Variants in CSMD3 observed in about 807,000 individuals in gnomAD.
The protein encoded by CSMD3 is CUB and sushi domain-containing protein 3.
Under a neutral mutation model 435.2 loss-of-function variants are expected in CSMD3, and 177 were observed. The observed-to-expected ratio is 0.41, with a 90% CI of 0.36 to 0.46. The LOEUF is 0.46. CSMD3 is among the 20% of genes least tolerant of loss of function. CSMD3 has a pLI of 0.34. For synonymous variants in CSMD3, 1,656 were observed against 1,520.5 expected, an observed-to-expected ratio of 1.09 and a Z score of -2.07; for missense variants, 4,265 against 4,504.6, an observed-to-expected ratio of 0.95 and a Z score of 1.52.
At position 113,033,577 on chromosome 8, in the gene CSMD3, T is replaced by C. The variant is rs188937474; in HGVS notation, c.918-14398A>G. Among the ~76,000 whole-genome samples the C allele has an allele frequency of 1.5e-3, 229 of 151,330 alleles. 5 individuals carry two copies. The East Asian group carries it at 0.04, about 27-fold the overall frequency. ...AGTAACTTTTGATTTTGATTTTTTTTTTTTTTTTTGCTTTTGCTTTTGCTT... is the reference window on the plus strand; with the variant it reads ...AGTAACTTTTGATTTTGATTTTTTTCTTTTTTTTTGCTTTTGCTTTTGCTT... On this transcript the variant is annotated intron_variant, in intron 5 of 70. Transcript: ENST00000297405.
chr8:112,641,555 A>G (rs570828063), intron 20 of CSMD3, among the ~76,000 whole-genome samples: 44 of 152,170 alleles, frequency 2.9e-4, no homozygotes, highest in Non-Finnish European at 5.7e-4. Flanking sequence ...TGTAATGACA[A>G]TCCAGGTCTG....
intron 32 of CSMD3, among the ~76,000 whole-genome samples, chr8:112,464,991 T>C (rs956019627): frequency 4.6e-5 from 7 of 152,216 alleles, no homozygotes; most frequent in Admixed American, 3.3e-4. Context: ...ATAAAGTCTT[T>C]GGCACTTACA....
chr8:112,363,262 G>A (rs1827429215), intron 38 of CSMD3, among the ~76,000 whole-genome samples: 1 of 151,936 alleles, frequency 6.6e-6, no homozygotes, highest in African/African-American at 2.4e-5. Flanking sequence ...AGGAATATTG[G>A]AAGTGCCTAA....
intron 1 of CSMD3, among the ~76,000 whole-genome samples, chr8:113,343,094 G>A (rs755735878): frequency 6.6e-5 from 10 of 151,968 alleles, no homozygotes; most frequent in Non-Finnish European, 1.0e-4. Context: ...GACTGAGGGA[G>A]CAGGAGGAAG....
intron 1 of CSMD3, among the ~76,000 whole-genome samples, chr8:113,413,477 A>C (rs575756745): frequency 6.6e-6 from 1 of 152,272 alleles, no homozygotes; most frequent in African/African-American, 2.4e-5. Context: ...CTGTCAACTA[A>C]GCTTCACTGT....
chr8:113,168,401 G>A (rs1345695373), intron 4 of CSMD3, among the ~76,000 whole-genome samples: 1 of 151,082 alleles, frequency 6.6e-6, no homozygotes, highest in Non-Finnish European at 1.5e-5. Context: ...CACGCCTGTT[G>A]TCCCAGCTAC....
intron 6 of CSMD3, among the ~76,000 whole-genome samples, chr8:112,991,225 A>T (rs1250940625): frequency 6.6e-6 from 1 of 150,580 alleles, no homozygotes; most frequent in Non-Finnish European, 1.5e-5. Context: ...TGCTGAATTA[A>T]ATATATATAT....
intron 57 of CSMD3, among the ~76,000 whole-genome samples, chr8:112,288,296 C>T (rs907308857): frequency 1.3e-5 from 2 of 151,612 alleles, no homozygotes; most frequent in Non-Finnish European, 2.9e-5. Flanking sequence ...TCTGTGTGTT[C>T]GCATGTATAA....
chr8:113,010,949 T>C (rs1450647724), intron 6 of CSMD3, among the ~76,000 whole-genome samples: 2 of 151,642 alleles, frequency 1.3e-5, no homozygotes, highest in Admixed American at 1.3e-4. Flanking sequence ...TTAAGTACAC[T>C]CTTTTTTTCT....
At position 112,380,335 on chromosome 8, in the gene CSMD3, CAT is replaced by C. The variant is rs778495551; in HGVS notation, c.6136+15_6136+16del. ...TTGTTCTTAACCTTTTTGAATGGCA[CAT>C]GATATTATTTTTACCTGTGTATTCA... On this transcript the variant is annotated intron_variant, in intron 38 of 70. Coordinates refer to ENST00000297405, the MANE Select transcript of CSMD3 (RefSeq NM_198123.2). 2.8e-5 allele frequency: 37 copies of C among 1,329,708 alleles called. No individual in the cohort carries two copies. In the African/African-American group the frequency reaches 4.9e-4, roughly 18 times the overall value. The allele number at this position is 1,329,708 out of a possible 1,614,324, so 82.4% of individuals were successfully genotyped here.
At chr8:112,923,034 A>C (rs1451288511) in intron 9 of CSMD3, among the ~76,000 whole-genome samples, 1 of 152,126 alleles carries the variant, frequency 6.6e-6, no homozygotes, top group Non-Finnish European at 1.5e-5. Context: ...CTTGCATTTC[A>C]CAAGCACTCC....
intron 50 of CSMD3, among the ~76,000 whole-genome samples, chr8:112,308,509 A>C (rs1821655859): frequency 1.3e-5 from 2 of 152,046 alleles, no homozygotes; most frequent in South Asian, 4.1e-4. Flanking sequence ...TTTTTTTAAA[A>C]AGAAGAAAAG....
chr8:112,791,557 T>C (rs754037956), intron 13 of CSMD3, among the ~76,000 whole-genome samples: 2 of 152,150 alleles, frequency 1.3e-5, no homozygotes, highest in Non-Finnish European at 2.9e-5. Flanking sequence ...TTGCATGTGT[T>C]AAGAGTATTT....
intron 22 of CSMD3, among the ~76,000 whole-genome samples, chr8:112,600,782 A>G (rs917848839): frequency 4.0e-5 from 6 of 151,238 alleles, no homozygotes; most frequent in African/African-American, 1.2e-4. Flanking sequence ...AGTTCACGCC[A>G]TTCTCCTGCC....
At chr8:112,895,672 A>G (rs753727402) in intron 10 of CSMD3, among the ~76,000 whole-genome samples, 1 of 151,388 alleles carries the variant, frequency 6.6e-6, no homozygotes, top group Non-Finnish European at 1.5e-5. Flanking sequence ...TTTTTCCCGA[A>G]ATATTTCAAG....
At chr8:113,122,114 A>G (rs919799567) in intron 4 of CSMD3, among the ~76,000 whole-genome samples, 2 of 152,126 alleles carry the variant, frequency 1.3e-5, no homozygotes, top group African/African-American at 4.8e-5. Context: ...CAATACCTTC[A>G]TTTCTACTCA....
chr8:112,530,038 T>A (rs1825371253), intron 27 of CSMD3, among the ~76,000 whole-genome samples: 2 of 149,384 alleles, frequency 1.3e-5, no homozygotes, highest in South Asian at 4.3e-4. Context: ...ACTAGCGAGG[T>A]CCAGCAGCAG....
rs2092823315 is a variant in CSMD3 at position 113,210,637 on chromosome 8, G to A, written c.515-36721C>T. 1.3e-5 allele frequency among the ~76,000 whole-genome samples: 2 copies of A among 152,044 alleles called. 1 individual carries two copies. The highest frequency in any genetic ancestry group is 1.3e-4 in the Admixed American group (2 of 15,254). On this transcript the variant is annotated intron_variant, in intron 3 of 70. Coordinates refer to ENST00000297405, the MANE Select transcript of CSMD3 (RefSeq NM_198123.2). The stretch of plus-strand genomic sequence containing the variant: ...TTAGACCTGTAATCACAGCACTTTG[G>A]GAGGCTGAGGTGGGCCGGTCACCTG...
intron 5 of CSMD3, among the ~76,000 whole-genome samples, chr8:113,079,361 T>C (rs1162110148): frequency 1.3e-5 from 2 of 152,194 alleles, no homozygotes; most frequent in Non-Finnish European, 2.9e-5. Context: ...GATATTCTTA[T>C]TTCCCAAATG....
Sources: gnomAD v4.1 joint callset for allele counts (sites outside exome capture counted in the v4.1 genomes callset) on GRCh38, gnomAD v4.1.1 for gene constraint, MANE v1.5 for transcripts, NCBI Gene and HGNC (gene_info 2026-07-23, HGNC 2026-07-21) for gene names.